The following GLRX variants were observed in gnomAD, a reference collection of about 807,000 sequenced individuals.
GLRX encodes glutaredoxin, also known as glutaredoxin-1.
In GLRX, 9 loss-of-function variants were observed where a neutral mutation model predicts 11.1. The ratio of observed to expected loss-of-function variants is 0.81; its 90% CI spans 0.49 to 1.42. GLRX has a LOEUF of 1.42. Among genes scored for constraint, GLRX ranks in the 40% most tolerant of loss-of-function variants. The pLI is 0.00. For missense variants in GLRX, 102 were observed against 126.2 expected (o/e 0.81, Z 0.92); for synonymous variants, 49 against 49.5 (o/e 0.99, Z 0.04).
At chr5:95,822,325 A>ACCCCCCCCC in intron 1 of GLRX, 131 bp downstream of exon 1, 1 of 491,822 alleles carries the variant, frequency 2.0e-6, no homozygotes, top group Non-Finnish European at 3.7e-6. Context: ...CCTCCCCCAC[A>ACCCCCCCCC]CCCCCCGCCC....
chr5:95,819,747 A>G (rs1157838215), intron 1 of GLRX, among the ~76,000 whole-genome samples: 1 of 152,066 alleles, frequency 6.6e-6, no homozygotes. Context: ...AACATACAAA[A>G]AATTAGCCAG....
chr5:95,820,352 TAAA>T (rs58201790), intron 1 of GLRX, among the ~76,000 whole-genome samples: 6 of 79,600 alleles, frequency 7.5e-5, no homozygotes, highest in South Asian at 5.4e-4. Flanking sequence ...CTCTGTCTCT[TAAA>T]AAAAAAAAAA....
intron 1 of GLRX, among the ~76,000 whole-genome samples, chr5:95,820,931 C>A (rs1747210798): frequency 6.6e-6 from 1 of 152,084 alleles, no homozygotes; most frequent in South Asian, 2.1e-4. Flanking sequence ...GCCTGGCCAA[C>A]ATGGTGAAAC....
rs1488091522 is a variant in GLRX, at chr5:95,814,076, T to C, written c.*320A>G. 1 of 152,278 alleles carries C rather than the reference T, an allele frequency of 6.6e-6. No homozygotes were observed. The highest frequency in any genetic ancestry group is 2.4e-5 in the African/African-American group (1 of 41,458). The allele number at this position is 152,278 out of a possible 1,614,324, so 9.4% of individuals were successfully genotyped here. A position where few individuals can be genotyped will look rare whatever the true frequency, so the allele number is the denominator to read the frequency against. ...ACAATTCTAGAACAGGCAAACTTCA[T>C]GATAAGGGATTCTTAAGTTTTCAAA... is the stretch of plus-strand genomic sequence containing the variant. On this transcript the variant is annotated 3_prime_UTR_variant, in exon 3 of 3. Coordinates refer to ENST00000237858, the MANE Select transcript of GLRX (RefSeq NM_001118890.2).
intron 2 of GLRX, 69 bp downstream of exon 2, chr5:95,816,438 T>C: frequency 1.2e-6 from 1 of 812,380 alleles, no homozygotes; most frequent in Non-Finnish European, 2.2e-6. Flanking sequence ...TCATACAGTA[T>C]AACAAACCAC....
chr5:95,822,306 C>G, intron 1 of GLRX, 150 bp downstream of exon 1: 1 of 640,606 alleles, frequency 1.6e-6, no homozygotes, highest in Non-Finnish European at 2.8e-6. Context: ...GAGATCCTCT[C>G]TAAGGCGCCC....
chr5:95,822,296 G>A (rs1747269749), intron 1 of GLRX, 160 bp downstream of exon 1: 1 of 624,356 alleles, frequency 1.6e-6, no homozygotes, highest in Non-Finnish European at 2.8e-6. Context: ...TCAAGTGACC[G>A]AGATCCTCTC....
intron 1 of GLRX, among the ~76,000 whole-genome samples, chr5:95,821,372 C>T (rs1239817991): frequency 1.3e-5 from 2 of 152,084 alleles, no homozygotes; most frequent in African/African-American, 2.4e-5. Context: ...GAGCTTCTCT[C>T]GTCATTGTGT....
In GLRX at chr5:95,822,704, A is replaced by G; in HGVS notation, c.-42T>C. On this transcript the variant is annotated 5_prime_UTR_variant, in exon 1 of 3. Coordinates refer to ENST00000237858, the MANE Select transcript of GLRX (RefSeq NM_001118890.2). ...CTCCCCGGGAAGAATCCTCAGTTGC[A>G]GGTATTGCTTGGGGTATTGAGCCCC... The G allele has an allele frequency of 6.4e-7, 1 of 1,552,310 alleles. No individual in the cohort carries two copies. The highest frequency in any genetic ancestry group is 2.3e-5 in the East Asian group (1 of 44,302).
rs1451383974 is a variant in GLRX, at chr5:95,814,219, T to C, written c.*177A>G. 1 of 152,692 alleles carries C rather than the reference T, an allele frequency of 6.5e-6. No individual in the cohort carries two copies. The highest frequency in any genetic ancestry group is 2.4e-5 in the African/African-American group (1 of 41,468). 9.5% of individuals were successfully genotyped at this position (152,692 alleles called of 1,614,324 possible). On this transcript the variant is annotated 3_prime_UTR_variant, in exon 3 of 3. Coordinates refer to ENST00000237858, the MANE Select transcript of GLRX (RefSeq NM_001118890.2). ...GTCTAAATAAAATAAATACACAGTG[T>C]TCAGGATTATCTGGATAGCCATCTT... is the stretch of plus-strand genomic sequence containing the variant.
intron 1 of GLRX, among the ~76,000 whole-genome samples, chr5:95,820,214 A>G (rs1233268093): frequency 1.3e-5 from 2 of 151,724 alleles, no homozygotes; most frequent in Non-Finnish European, 2.9e-5. Flanking sequence ...TTAGCTGGGT[A>G]TGATGGCTCA....
chr5:95,816,721 T>C (rs542386321), intron 1 of GLRX, 95 bp from the exon 2 acceptor site: 205 of 730,944 alleles, frequency 2.8e-4, no homozygotes, highest in Non-Finnish European at 4.7e-4. Context: ...TTCCAAACTT[T>C]TCAAATCACT....
chr5:95,820,187 T>C (rs1192445594), intron 1 of GLRX, among the ~76,000 whole-genome samples: 1 of 150,886 alleles, frequency 6.6e-6, no homozygotes, highest in Non-Finnish European at 1.5e-5. Context: ...CCCCCATCTG[T>C]ACAAAAACTT....
rs4767 is a variant in GLRX at position 95,822,524 on chromosome 5, C to A, written c.139G>T (p.Asp47Tyr). The A allele has an allele frequency of 6.2e-7, 1 of 1,613,908 alleles. No individual in the cohort carries two copies. Among genetic ancestry groups the A allele is most frequent in the Non-Finnish European group, 8.5e-7 (1 of 1,179,826 alleles). ...TTAGTGTGGTTGGTGGCTGTGATAT[C>A]GACAAATTCCAGAAGCCCTTGTTTG... Reference protein sequence around the residue: ...PIKQGLLEFVDITATNHTNEI... With the variant: ...PIKQGLLEFVYITATNHTNEI... Residue 47 changes from aspartate to tyrosine, a missense_variant, in exon 1 of 3, where the codon GAT becomes TAT. By Grantham distance (160) the Asp-to-Tyr change is radical. Coordinates refer to ENST00000237858, the MANE Select transcript of GLRX (RefSeq NM_001118890.2).
chr5:95,817,350 G>A (rs1747038548), intron 1 of GLRX: 1 of 152,712 alleles, frequency 6.5e-6, no homozygotes. Flanking sequence ...GGGAGGTCGA[G>A]GCTGCAGTAA....
At position 95,816,639 on chromosome 5, in the gene GLRX, A is replaced by G. The variant is rs918512735; in HGVS notation, c.208-13T>C. 8.3e-7 allele frequency: 1 copy of G among 1,202,604 alleles called. No individual in the cohort carries two copies. Among genetic ancestry groups the G allele is most frequent in the African/African-American group, 1.5e-5 (1 of 67,568 alleles). The allele number at this position is 1,202,604 out of a possible 1,614,324, so 74.5% of individuals were successfully genotyped here. A position where few individuals can be genotyped will look rare whatever the true frequency, so the allele number is the denominator to read the frequency against. On this transcript the variant is annotated splice_polypyrimidine_tract_variant and intron_variant, in intron 1 of 2. Transcript: ENST00000237858. ...AGACTCGAGGCACCTAAAAAAGCAC[A>G]CGACCCAGGACATTACTACATTACT...
chr5:95,819,980 T>G (rs150814680), intron 1 of GLRX, among the ~76,000 whole-genome samples: 26 of 147,476 alleles, frequency 1.8e-4, no homozygotes, highest in Middle Eastern at 3.7e-3. Context: ...GGATCAAACA[T>G]GCAGCTTTAA....
intron 1 of GLRX, chr5:95,817,692 C>T (rs1747057802): frequency 1.3e-5 from 2 of 152,174 alleles, no homozygotes; most frequent in Admixed American, 6.5e-5. Context: ...AATTTATAGG[C>T]CAGGAGTGTT....
chr5:95,820,352 T>TA (rs58201790), intron 1 of GLRX, among the ~76,000 whole-genome samples: 29,946 of 79,258 alleles, frequency 0.38, 5,756 homozygotes, highest in East Asian at 0.71. Flanking sequence ...CTCTGTCTCT[T>TA]AAAAAAAAAA....
Sources: gnomAD v4.1 joint callset for allele counts (sites outside exome capture counted in the v4.1 genomes callset) on GRCh38, gnomAD v4.1.1 for gene constraint, MANE v1.5 for transcripts, NCBI Gene and HGNC (gene_info 2026-07-23, HGNC 2026-07-21) for gene names.